GRIP1: variants seen among roughly 807,000 people sequenced by gnomAD.
GRIP1 encodes the protein glutamate receptor-interacting protein 1.
In GRIP1, 45 loss-of-function variants were observed where a neutral mutation model predicts 129.9. The ratio of observed to expected loss-of-function variants is 0.35; its 90% CI spans 0.27 to 0.44. The LOEUF is 0.44. Ranked by LOEUF, GRIP1 falls within the 20% of genes least tolerant of loss-of-function variation. The pLI, the probability that GRIP1 is intolerant of heterozygous loss-of-function variation, is 1.00. For missense variants in GRIP1, 1,196 were observed against 1,396.8 expected (o/e 0.86, Z 2.29); for synonymous variants, 530 against 520.8 (o/e 1.02, Z -0.24).
intron 1 of GRIP1, among the ~76,000 whole-genome samples, chr12:66,916,746 G>A (rs2041129848): frequency 6.6e-6 from 1 of 151,782 alleles, no homozygotes; most frequent in Admixed American, 6.6e-5. Flanking sequence ...AGCCAAGAAA[G>A]TCCAGGAACT....
At chr12:66,631,137 C>T (rs2030734017) in intron 1 of GRIP1, among the ~76,000 whole-genome samples, 1 of 152,068 alleles carries the variant, frequency 6.6e-6, no homozygotes, top group African/African-American at 2.4e-5. Context: ...GGGGTTTCAC[C>T]ATGTTGGCCA....
rs775982514 is a variant in GRIP1 at position 66,455,548 on chromosome 12, T to G, written c.1215A>C (p.Ser405=). The part of the protein sequence containing the change: ...PPNSPPALVS[S]SFSPTSMSAY... ...CACTCATGGAGGTAGGAGAGAAGGA[T>G]GAAGACACCAAAGCTGCTGCAAGAG... is the stretch of plus-strand genomic sequence containing the variant. The change falls in exon 11 of 25, where the codon TCA becomes TCC. Residue 405 remains serine (S), a synonymous_variant. Transcript: ENST00000359742. The G allele has an allele frequency of 2.5e-6, 4 of 1,613,926 alleles. No individual in the cohort carries two copies. The highest frequency in any genetic ancestry group is 1.1e-5 in the South Asian group (1 of 91,088).
At chr12:66,642,532 G>A (rs1391296838) in intron 1 of GRIP1, among the ~76,000 whole-genome samples, 2 of 152,102 alleles carry the variant, frequency 1.3e-5, no homozygotes, top group African/African-American at 2.4e-5. Context: ...GGATGACGGG[G>A]AGCCATCATG....
At chr12:66,531,229 C>A (rs2061434675) in intron 4 of GRIP1, among the ~76,000 whole-genome samples, 2 of 99,822 alleles carry the variant, frequency 2.0e-5, no homozygotes, top group Non-Finnish European at 4.0e-5. Flanking sequence ...GAGTGAGACT[C>A]TGTCTCAAAA....
At chr12:66,897,592 C>T (rs146931040) in intron 1 of GRIP1, among the ~76,000 whole-genome samples, 5 of 152,206 alleles carry the variant, frequency 3.3e-5, no homozygotes, top group East Asian at 3.9e-4. Context: ...ATGATGGTGG[C>T]GGATGAGCTA....
At chr12:66,454,465 T>C (rs1205303550) in intron 11 of GRIP1, among the ~76,000 whole-genome samples, 1 of 152,202 alleles carries the variant, frequency 6.6e-6, no homozygotes, top group African/African-American at 2.4e-5. Flanking sequence ...AGACTATGAT[T>C]AGGTCTAGTT....
intron 1 of GRIP1, among the ~76,000 whole-genome samples, chr12:66,911,349 C>A (rs1371343755): frequency 2.0e-5 from 3 of 152,122 alleles, no homozygotes; most frequent in Non-Finnish European, 4.4e-5. Context: ...AGGCTTCAAC[C>A]CATTGGCTCT....
At chr12:66,594,789 T>C (rs1279479001) in intron 2 of GRIP1, among the ~76,000 whole-genome samples, 1 of 152,214 alleles carries the variant, frequency 6.6e-6, no homozygotes, top group Non-Finnish European at 1.5e-5. Flanking sequence ...AGGTGATTGC[T>C]CAAGACTTCT....
At chr12:66,523,117 C>A (rs2061082841) in intron 5 of GRIP1, among the ~76,000 whole-genome samples, 1 of 151,436 alleles carries the variant, frequency 6.6e-6, no homozygotes, top group Admixed American at 6.6e-5. Flanking sequence ...AGGATATTAT[C>A]CAGGAGAACT....
At chr12:66,722,307 T>C (rs1054574270) in intron 1 of GRIP1, among the ~76,000 whole-genome samples, 7 of 152,154 alleles carry the variant, frequency 4.6e-5, no homozygotes, top group African/African-American at 1.7e-4. Flanking sequence ...GGATTATTAA[T>C]TGACCTAATT....
chr12:67,003,999 T>A (rs2135693263), intron 1 of GRIP1, among the ~76,000 whole-genome samples: 1 of 152,264 alleles, frequency 6.6e-6, no homozygotes, highest in African/African-American at 2.4e-5. Flanking sequence ...TTTGGCAGCA[T>A]CATTCTAACT....
chr12:66,432,257 A>T (rs2058170649), intron 14 of GRIP1, among the ~76,000 whole-genome samples: 1 of 152,134 alleles, frequency 6.6e-6, no homozygotes, highest in African/African-American at 2.4e-5. Context: ...CAAGCACTGT[A>T]CTAGGTATAT....
chr12:66,593,078 C>T (rs987394392), intron 2 of GRIP1, among the ~76,000 whole-genome samples: 1 of 152,066 alleles, frequency 6.6e-6, no homozygotes, highest in African/African-American at 2.4e-5. Context: ...TTACTATCAT[C>T]CATATTAAAA....
At chr12:66,888,690 G>A (rs1467173225) in intron 1 of GRIP1, among the ~76,000 whole-genome samples, 1 of 152,132 alleles carries the variant, frequency 6.6e-6, no homozygotes, top group Non-Finnish European at 1.5e-5. Flanking sequence ...AGCCTGTTTA[G>A]GTTACAGGAA....
intron 1 of GRIP1, among the ~76,000 whole-genome samples, chr12:66,633,602 A>C (rs1565927135): frequency 6.6e-6 from 1 of 152,154 alleles, no homozygotes; most frequent in Non-Finnish European, 1.5e-5. Flanking sequence ...TTTAGTCAGT[A>C]AAGACATGGA....
At chr12:66,480,816 A>ATTC (rs2059781017) in intron 7 of GRIP1, among the ~76,000 whole-genome samples, 1 of 152,230 alleles carries the variant, frequency 6.6e-6, no homozygotes, top group African/African-American at 2.4e-5. Flanking sequence ...TGGGGAAAGT[A>ATTC]TTCCCTATTT....
At position 66,661,125 on chromosome 12, in the gene GRIP1, A is replaced by G. The variant is rs184724737; in HGVS notation, c.55+17725T>C. ...TTAAGTTTCCAGTTGTGATGCACCTAGAAATTGAGAAATACTTGAAAAAAT... is the reference window on the plus strand; with the variant it reads ...TTAAGTTTCCAGTTGTGATGCACCTGGAAATTGAGAAATACTTGAAAAAAT... On this transcript the variant is annotated intron_variant, in intron 1 of 24. Transcript: ENST00000359742. Among the ~76,000 whole-genome samples the G allele has an allele frequency of 1.7e-3, 256 of 152,210 alleles. 2 individuals carry two copies. The highest frequency in any genetic ancestry group is 6.8e-3 in the Middle Eastern group (2 of 294).
In GRIP1 at chr12:66,593,135, A is replaced by G. The variant is rs910495084; in HGVS notation, c.136+3712T>C. Among the ~76,000 whole-genome samples the G allele has an allele frequency of 8.5e-5, 13 of 152,310 alleles. 1 individual carries two copies. In the Middle Eastern group the frequency reaches 0.01, roughly 120 times the overall value. ...AACTAAAAAATCCTTTTATTCTTAC[A>G]TTTAATGCCATATGAGACATGATTA... On this transcript the variant is annotated intron_variant, in intron 2 of 24. Coordinates refer to ENST00000359742, the MANE Select transcript of GRIP1 (RefSeq NM_001366722.1).
intron 2 of GRIP1, among the ~76,000 whole-genome samples, chr12:66,565,865 G>T (rs1172593684): frequency 6.6e-6 from 1 of 152,090 alleles, no homozygotes; most frequent in Non-Finnish European, 1.5e-5. Context: ...GGATTCCTAG[G>T]TATTTTATTC....
Sources: allele counts gnomAD v4.1 joint callset (sites outside exome capture counted in the v4.1 genomes callset), GRCh38; gene constraint gnomAD v4.1.1; transcripts MANE v1.5; gene names NCBI Gene and HGNC (gene_info 2026-07-23, HGNC 2026-07-21).